The following TYW1 variants were observed in gnomAD, a reference collection of about 807,000 sequenced individuals.
TYW1 encodes the protein S-adenosyl-L-methionine-dependent tRNA 4-demethylwyosine synthase TYW1.
TYW1 carries 46 observed loss-of-function variants against 96.2 expected under a neutral mutation model. The observed-to-expected ratio is 0.48, with a 90% CI of 0.38 to 0.61. The LOEUF is 0.61. TYW1 is among the 20% of genes least tolerant of loss of function. TYW1 has a pLI of 0.00. For synonymous variants in TYW1, 274 were observed against 323.0 expected (o/e 0.85, Z 1.63); for missense variants, 684 against 909.6 (o/e 0.75, Z 3.19).
rs1483351843 is a variant in TYW1 at position 67,021,371 on chromosome 7, C to G, written c.861+3228C>G. On this transcript the variant is annotated intron_variant, in intron 6 of 15. Coordinates refer to ENST00000359626, the MANE Select transcript of TYW1 (RefSeq NM_018264.4). ...GTGCTTTATTCTCCATCTGCTGGTA[C>G]TTTCTGAGTGACTGATAGTAGCTGC... is the stretch of plus-strand genomic sequence containing the variant. Among the ~76,000 whole-genome samples, 20 of 152,402 alleles carry G rather than the reference C, an allele frequency of 1.3e-4. No homozygotes were observed. The East Asian group carries it at 2.7e-3, about 21-fold the overall frequency.
intron 7 of TYW1, among the ~76,000 whole-genome samples, chr7:67,043,758 G>C (rs1795099736): frequency 6.6e-6 from 1 of 152,124 alleles, no homozygotes; most frequent in African/African-American, 2.4e-5. Context: ...ATGTTATCTT[G>C]TTAAGGTAGG....
chr7:67,112,320 A>G (rs950714082), intron 12 of TYW1, among the ~76,000 whole-genome samples: 7 of 152,098 alleles, frequency 4.6e-5, no homozygotes, highest in Non-Finnish European at 7.4e-5. Context: ...TTAGTCACAG[A>G]AATGGAAAAA....
At chr7:67,085,590 G>A (rs896614319) in intron 11 of TYW1, among the ~76,000 whole-genome samples, 4 of 152,076 alleles carry the variant, frequency 2.6e-5, no homozygotes, top group Non-Finnish European at 5.9e-5. Flanking sequence ...ATGAAAATGG[G>A]CTCATACTTA....
intron 13 of TYW1, among the ~76,000 whole-genome samples, chr7:67,182,879 G>A (rs4145352): frequency 0.28 from 41,230 of 149,694 alleles, 6,223 homozygotes; most frequent in African/African-American, 0.39. Flanking sequence ...GCCTGGCATA[G>A]TGTTAAATGT....
chr7:67,173,766 G>C (rs1000155732), intron 13 of TYW1, among the ~76,000 whole-genome samples: 1 of 147,706 alleles, frequency 6.8e-6, no homozygotes, highest in Non-Finnish European at 1.5e-5. Flanking sequence ...GTTAGCTGTA[G>C]GTTTTTTGTA....
chr7:67,079,007 C>A (rs1796297423), intron 10 of TYW1, among the ~76,000 whole-genome samples: 1 of 152,038 alleles, frequency 6.6e-6, no homozygotes, highest in African/African-American at 2.4e-5. Context: ...GATTTTTATA[C>A]CTTTGTTTAT....
chr7:67,169,009 C>T (rs1799441258), intron 13 of TYW1, among the ~76,000 whole-genome samples: 1 of 152,080 alleles, frequency 6.6e-6, no homozygotes, highest in Non-Finnish European at 1.5e-5. Context: ...CTGTGGCCGG[C>T]CTGTTTCTTA....
intron 15 of TYW1, among the ~76,000 whole-genome samples, chr7:67,202,427 C>T (rs1023897835): frequency 3.9e-5 from 6 of 152,122 alleles, no homozygotes; most frequent in African/African-American, 1.4e-4. Context: ...GGTCTCATCT[C>T]GCTCTGTCAC....
intron 13 of TYW1, among the ~76,000 whole-genome samples, chr7:67,129,790 T>A (rs55849420): frequency 0.28 from 42,096 of 152,116 alleles, 6,675 homozygotes; most frequent in African/African-American, 0.44. Context: ...ATTCTCCTTT[T>A]AGTGTCATGC....
intron 3 of TYW1, among the ~76,000 whole-genome samples, chr7:67,007,387 C>T (rs1335850785): frequency 6.6e-6 from 1 of 152,122 alleles, no homozygotes; most frequent in Non-Finnish European, 1.5e-5. Flanking sequence ...GTTTTTGTTG[C>T]TTCGCTTGTT....
intron 15 of TYW1, among the ~76,000 whole-genome samples, chr7:67,213,152 A>G (rs2421421): frequency 6.7e-6 from 1 of 149,032 alleles, no homozygotes; most frequent in African/African-American, 2.5e-5. Flanking sequence ...GATTACAGGT[A>G]TGAGCCACCA....
At chr7:67,178,340 C>T (rs551478747) in intron 13 of TYW1, among the ~76,000 whole-genome samples, 1 of 152,362 alleles carries the variant, frequency 6.6e-6, no homozygotes, top group South Asian at 2.1e-4. Context: ...GTACCATGCA[C>T]TCTACTGGGC....
intron 6 of TYW1, among the ~76,000 whole-genome samples, chr7:67,019,486 C>T (rs1029826857): frequency 6.6e-6 from 1 of 152,258 alleles, no homozygotes; most frequent in Non-Finnish European, 1.5e-5. Flanking sequence ...GCATGAGCCA[C>T]CATGCCCAGA....
intron 3 of TYW1, among the ~76,000 whole-genome samples, chr7:66,999,263 GC>G (rs1237547130): frequency 6.6e-6 from 1 of 152,188 alleles, no homozygotes; most frequent in Non-Finnish European, 1.5e-5. Context: ...CATTATCGAT[GC>G]CCATGGGTAT....
chr7:67,114,187 G>A (rs1161306468), intron 12 of TYW1: 1 of 152,818 alleles, frequency 6.5e-6, no homozygotes, highest in Non-Finnish European at 1.5e-5. Flanking sequence ...GACAGCCTCA[G>A]ATTGTCTTAG....
chr7:67,143,585 G>C (rs1224769858), intron 13 of TYW1, among the ~76,000 whole-genome samples: 1 of 152,160 alleles, frequency 6.6e-6, no homozygotes, highest in Non-Finnish European at 1.5e-5. Context: ...GGGAAAGCAC[G>C]TGTGGCTTGT....
chr7:67,110,593 C>T (rs1324737950), intron 12 of TYW1, among the ~76,000 whole-genome samples: 3 of 152,138 alleles, frequency 2.0e-5, no homozygotes, highest in African/African-American at 4.8e-5. Flanking sequence ...GCACAACAAA[C>T]AGCAAAAAAG....
Position 67,032,495 on chromosome 7 carries a change from C to A in TYW1, c.984+7473C>A, listed in dbSNP as rs543861554. ...CAAAAATTAGCCAGATGTGATGGCG[C>A]CTGTAATCTCAGCTACTCGGGAGGC... On this transcript the variant is annotated intron_variant, in intron 7 of 15. Transcript: ENST00000359626. Among the ~76,000 whole-genome samples, 17 of 152,240 alleles carry A rather than the reference C, an allele frequency of 1.1e-4. No individual in the cohort carries two copies. In the South Asian group the frequency reaches 3.5e-3, roughly 32 times the overall value.
intron 15 of TYW1, among the ~76,000 whole-genome samples, chr7:67,200,741 A>G (rs959627343): frequency 1.3e-5 from 2 of 152,200 alleles, no homozygotes; most frequent in Admixed American, 1.3e-4. Context: ...GAAGAATGGA[A>G]TGGAGCTCAA....
Sources: gnomAD v4.1 joint callset for allele counts (sites outside exome capture counted in the v4.1 genomes callset) on GRCh38, gnomAD v4.1.1 for gene constraint, MANE v1.5 for transcripts, NCBI Gene and HGNC (gene_info 2026-07-23, HGNC 2026-07-21) for gene names.